PRKG1: variants seen among roughly 807,000 people sequenced by gnomAD.
PRKG1 encodes cGMP-dependent protein kinase 1.
A neutral mutation model predicts 88.1 loss-of-function variants in PRKG1; 35 were observed. That is an observed-to-expected ratio of 0.40 (90% confidence interval 0.30 to 0.53). The LOEUF (loss-of-function observed/expected upper bound fraction) is 0.53. Ranked by LOEUF, PRKG1 falls within the 20% of genes least tolerant of loss-of-function variation. The pLI is 0.59. For missense variants in PRKG1, 540 were observed against 839.8 expected (o/e 0.64, Z 4.41); for synonymous variants, 303 against 292.5 (o/e 1.04, Z -0.37).
intron 5 of PRKG1, among the ~76,000 whole-genome samples, chr10:52,050,068 TG>T: frequency 6.6e-6 from 1 of 151,798 alleles, no homozygotes; most frequent in East Asian, 1.9e-4. Flanking sequence ...CATGTGTGTG[TG>T]GTGGTGGTGG....
intron 3 of PRKG1, among the ~76,000 whole-genome samples, chr10:51,482,501 CT>C (rs1840391446): frequency 5.2e-5 from 1 of 19,396 alleles, no homozygotes; most frequent in Non-Finnish European, 1.6e-4. Context: ...TGCCATTGGC[CT>C]GGCTCACTAG....
intron 4 of PRKG1, among the ~76,000 whole-genome samples, chr10:51,830,281 C>A (rs1279204273): frequency 6.6e-6 from 1 of 152,132 alleles, no homozygotes; most frequent in Non-Finnish European, 1.5e-5. Context: ...AATAATGAGT[C>A]TTCAGTATGA....
chr10:51,400,280 A>T (rs190774735), intron 2 of PRKG1, among the ~76,000 whole-genome samples: 1 of 152,232 alleles, frequency 6.6e-6, no homozygotes, highest in East Asian at 1.9e-4. Flanking sequence ...AATCAGCTTG[A>T]TGTAAGAGCA....
intron 2 of PRKG1, chr10:51,302,965 G>C (rs933605144): frequency 4.6e-5 from 7 of 152,158 alleles, no homozygotes; most frequent in African/African-American, 1.7e-4. Context: ...TCTTGCAAGA[G>C]TATTTTGGCC....
At chr10:51,588,858 G>A (rs974720456) in intron 3 of PRKG1, among the ~76,000 whole-genome samples, 5 of 152,102 alleles carry the variant, frequency 3.3e-5, no homozygotes, top group African/African-American at 1.2e-4. Context: ...ATCAGTTATA[G>A]TAATTGCCTT....
At chr10:51,023,180 T>C (rs1228873907) in intron 1 of PRKG1, among the ~76,000 whole-genome samples, 1 of 152,214 alleles carries the variant, frequency 6.6e-6, no homozygotes, top group Non-Finnish European at 1.5e-5. Flanking sequence ...CAAATTCTCT[T>C]GTCCTTAGCT....
chr10:51,339,472 T>G (rs1446924301), intron 2 of PRKG1, among the ~76,000 whole-genome samples: 1 of 151,998 alleles, frequency 6.6e-6, no homozygotes, highest in African/African-American at 2.4e-5. Context: ...TTCCTGACTT[T>G]AAATATTTTT....
chr10:51,669,645 T>C (rs1196748871), intron 3 of PRKG1, among the ~76,000 whole-genome samples: 3 of 152,224 alleles, frequency 2.0e-5, no homozygotes, highest in African/African-American at 7.2e-5. Flanking sequence ...CTCAGTAAAT[T>C]GATCCCAGGG....
At chr10:51,847,804 C>A (rs1488461237) in intron 4 of PRKG1, among the ~76,000 whole-genome samples, 9 of 116,924 alleles carry the variant, frequency 7.7e-5, no homozygotes, top group Admixed American at 2.4e-4. Context: ...GAGTTTGAGG[C>A]CAGCCTGGGC....
intron 4 of PRKG1, among the ~76,000 whole-genome samples, chr10:51,810,171 A>G (rs1839418421): frequency 6.6e-6 from 1 of 152,208 alleles, no homozygotes; most frequent in Non-Finnish European, 1.5e-5. Flanking sequence ...ACTGAGCTTT[A>G]CATTATATTT....
At chr10:51,000,670 T>G (rs1842880090) in intron 1 of PRKG1, among the ~76,000 whole-genome samples, 1 of 152,176 alleles carries the variant, frequency 6.6e-6, no homozygotes, top group Admixed American at 6.5e-5. Context: ...GGAGAAAACA[T>G]ACAACAATCA....
chr10:51,739,690 A>G lies in PRKG1; in HGVS notation c.593-64895A>G, dbSNP rs117205684. Among the ~76,000 whole-genome samples the G allele has an allele frequency of 1.6e-4, 24 of 152,166 alleles. No individual in the cohort carries two copies. In the East Asian group the frequency reaches 4.1e-3, roughly 26 times the overall value. Reference sequence around the variant, plus strand: ...CTTGATTTCCATTCCAAAAACCACTAGGCCAGGCGTGGTGGCTCATGGCTG... The same window carrying G: ...CTTGATTTCCATTCCAAAAACCACTGGGCCAGGCGTGGTGGCTCATGGCTG... On this transcript the variant is annotated intron_variant, in intron 3 of 17. Transcript: ENST00000373980.
At chr10:51,830,173 A>G (rs889928505) in intron 4 of PRKG1, among the ~76,000 whole-genome samples, 1 of 152,144 alleles carries the variant, frequency 6.6e-6, no homozygotes, top group East Asian at 1.9e-4. Context: ...CAGGATTTTT[A>G]TTAGCTTTTG....
chr10:51,145,761 A>G (rs778688409), intron 1 of PRKG1, among the ~76,000 whole-genome samples: 4 of 152,176 alleles, frequency 2.6e-5, no homozygotes, highest in Non-Finnish European at 5.9e-5. Flanking sequence ...GTTAACATCT[A>G]ACTAGTGATT....
At chr10:51,114,026 C>T (rs142183437) in intron 1 of PRKG1, among the ~76,000 whole-genome samples, 1 of 147,930 alleles carries the variant, frequency 6.8e-6, no homozygotes. Context: ...TTCTTTCCTG[C>T]CTCATAGTTT....
intron 2 of PRKG1, among the ~76,000 whole-genome samples, chr10:51,237,340 C>T (rs575908322): frequency 2.6e-5 from 4 of 152,262 alleles, no homozygotes; most frequent in Admixed American, 6.5e-5. Flanking sequence ...AGAATGAAAG[C>T]GCAGGGCTCT....
chr10:52,223,107 A>C (rs1840288310), intron 9 of PRKG1, among the ~76,000 whole-genome samples: 1 of 152,138 alleles, frequency 6.6e-6, no homozygotes, highest in East Asian at 1.9e-4. Context: ...TTAAAAACCA[A>C]CCTACCAACC....
chr10:52,239,900 G>A (rs1840814141), intron 9 of PRKG1, among the ~76,000 whole-genome samples: 1 of 152,132 alleles, frequency 6.6e-6, no homozygotes, highest in African/African-American at 2.4e-5. Context: ...TGATTTGTGG[G>A]AAAATGTATG....
chr10:51,585,280 G>A (rs543104444), intron 3 of PRKG1, among the ~76,000 whole-genome samples: 1 of 152,198 alleles, frequency 6.6e-6, no homozygotes, highest in South Asian at 2.1e-4. Context: ...GTAGGATCAT[G>A]CTCCTTTGCA....
Sources: gnomAD v4.1 joint callset for allele counts (sites outside exome capture counted in the v4.1 genomes callset) on GRCh38, gnomAD v4.1.1 for gene constraint, MANE v1.5 for transcripts, NCBI Gene and HGNC (gene_info 2026-07-23, HGNC 2026-07-21) for gene names.